Variants in GCNT1 observed in about 807,000 individuals in gnomAD.
GCNT1 encodes the protein glucosaminyl (N-acetyl) transferase 1, also known as beta-1,3-galactosyl-O-glycosyl-glycoprotein beta-1,6-N-acetylglucosaminyltransferase.
GCNT1 carries 16 observed loss-of-function variants against 26.2 expected under a neutral mutation model. The observed-to-expected ratio is 0.61, with a 90% CI of 0.41 to 0.93. GCNT1 has a LOEUF of 0.93. Ranked by LOEUF, GCNT1 falls within the 40% of genes least tolerant of loss-of-function variation. The pLI, the probability that GCNT1 is intolerant of heterozygous loss-of-function variation, is 0.00. For missense variants in GCNT1, 477 were observed against 526.7 expected (o/e 0.91, Z 0.92); for synonymous variants, 183 against 190.8 (o/e 0.96, Z 0.34).
At chr9:76,444,495 G>C (rs1307307250) in intron 1 of GCNT1, among the ~76,000 whole-genome samples, 9 of 152,122 alleles carry the variant, frequency 5.9e-5, no homozygotes, top group Non-Finnish European at 1.3e-4. Context: ...GAGGAAAAAG[G>C]GTTTCAAGGT....
intron 2 of GCNT1, among the ~76,000 whole-genome samples, chr9:76,486,545 C>T (rs1824581063): frequency 6.6e-6 from 1 of 152,150 alleles, no homozygotes; most frequent in Non-Finnish European, 1.5e-5. Context: ...TTCCCCATAG[C>T]CTGCTTTAGG....
upstream of GCNT1, among the ~76,000 whole-genome samples, chr9:76,456,165 A>G (rs1189568318): frequency 6.6e-6 from 1 of 152,116 alleles, no homozygotes; most frequent in East Asian, 1.9e-4. Flanking sequence ...CATTTCCTAT[A>G]AGGTTTTGCT....
chr9:76,432,023 C>T (rs1028701877), intron 1 of GCNT1, among the ~76,000 whole-genome samples: 1 of 152,088 alleles, frequency 6.6e-6, no homozygotes, highest in Non-Finnish European at 1.5e-5. Flanking sequence ...GCAGAAGAAT[C>T]GCTTAAACCC....
the GCNT1 span, among the ~76,000 whole-genome samples, chr9:76,402,828 C>T: frequency 1.1e-4 from 16 of 152,032 alleles, no homozygotes; most frequent in South Asian, 2.1e-4. Context: ...TACAGGCACG[C>T]GCCACCACGC....
upstream of GCNT1, among the ~76,000 whole-genome samples, chr9:76,438,217 C>T (rs547670410): frequency 4.6e-5 from 7 of 152,266 alleles, no homozygotes; most frequent in East Asian, 1.3e-3. Context: ...ATGCATCAAT[C>T]AATACATGTA....
Position 76,505,418 on chromosome 9 carries a change from T to C in GCNT1, c.*1750T>C, listed in dbSNP as rs1825212686. On this transcript the variant is annotated 3_prime_UTR_variant, in exon 4 of 4. Transcript: ENST00000376730. Reference sequence around the variant, plus strand: ...AACTCGAGATGATGAGGGTGGTACATGCAGTGTGTTCTCTCTTTATTGGCT... The same window carrying C: ...AACTCGAGATGATGAGGGTGGTACACGCAGTGTGTTCTCTCTTTATTGGCT... 6.0e-6 allele frequency: 1 copy of C among 167,320 alleles called. No individual in the cohort carries two copies. Among genetic ancestry groups the C allele is most frequent in the Admixed American group, 6.5e-5 (1 of 15,286 alleles). 10.4% of individuals were successfully genotyped at this position (167,320 alleles called of 1,614,324 possible). A position where few individuals can be genotyped will look rare whatever the true frequency, so the allele number is the denominator to read the frequency against.
chr9:76,497,884 T>C lies in GCNT1; in HGVS notation c.-289-3032T>C, dbSNP rs573966130. ...TTGAATATTCACATACCATAATGTT[T>C]ACCCTTTTAAAGTAAACAATATGTT... On this transcript the variant is annotated intron_variant, in intron 2 of 3. Coordinates refer to ENST00000376730, the MANE Select transcript of GCNT1 (RefSeq NM_001490.5). Among the ~76,000 whole-genome samples, 30 of 150,774 alleles carry C rather than the reference T, an allele frequency of 2.0e-4. 1 individual carries two copies. In the South Asian group the frequency reaches 6.2e-3, roughly 31 times the overall value.
At chr9:76,436,019 G>T (rs542962321) in intron 1 of GCNT1, among the ~76,000 whole-genome samples, 170 of 140,080 alleles carry the variant, frequency 1.2e-3, no homozygotes, top group Non-Finnish European at 2.1e-3. Flanking sequence ...GCAGTGGCAC[G>T]ATCTCGGCTC....
upstream of GCNT1, chr9:76,419,777 A>C (rs975477172): frequency 7.2e-5 from 11 of 152,214 alleles, no homozygotes; most frequent in African/African-American, 2.7e-4. Flanking sequence ...CCTGACATAA[A>C]ATGTACTGTC....
upstream of GCNT1, among the ~76,000 whole-genome samples, chr9:76,455,938 T>C (rs1365084864): frequency 6.6e-6 from 1 of 152,170 alleles, no homozygotes; most frequent in African/African-American, 2.4e-5. Flanking sequence ...GTAACTATAG[T>C]TTTATTATGA....
chr9:76,407,268 C>T, the GCNT1 span, among the ~76,000 whole-genome samples: 50,944 of 151,538 alleles, frequency 0.34, 9,094 homozygotes, highest in Middle Eastern at 0.4. Context: ...TTATTTTTCT[C>T]ATTTTGAACT....
the GCNT1 span, among the ~76,000 whole-genome samples, chr9:76,413,271 A>G: frequency 1.3e-5 from 2 of 152,166 alleles, no homozygotes; most frequent in African/African-American, 4.8e-5. Flanking sequence ...AGCCATAAGG[A>G]TATCTGTCAC....
At chr9:76,418,211 C>G (rs976193468), upstream of GCNT1, among the ~76,000 whole-genome samples, 6 of 152,128 alleles carry the variant, frequency 3.9e-5, no homozygotes, top group African/African-American at 1.4e-4. Flanking sequence ...GTTGAAAGAA[C>G]TACTATCAAT....
In GCNT1 at chr9:76,500,140, A is replaced by AC. The variant is rs534411589; in HGVS notation, c.-289-776_-289-775insC. ...TTTGTGTTTCTTTGCATGCCTTGTA[A>AC]TTTTTTTTTTGTTGAAACTGGATAG... is the stretch of plus-strand genomic sequence containing the variant. On this transcript the variant is annotated intron_variant, in intron 2 of 3. Transcript: ENST00000376730. 6.3e-4 allele frequency among the ~76,000 whole-genome samples: 95 copies of AC among 149,832 alleles called. 2 individuals carry two copies. Among genetic ancestry groups the AC allele is most frequent in the Middle Eastern group, 6.9e-3 (2 of 290 alleles).
chr9:76,485,013 T>C (rs1485753510), intron 2 of GCNT1, among the ~76,000 whole-genome samples: 5 of 152,128 alleles, frequency 3.3e-5, no homozygotes, highest in Admixed American at 1.3e-4. Context: ...TGTCTCAAAC[T>C]CCAGACCTCA....
chr9:76,480,987 CCAG>C (rs1824407617), intron 2 of GCNT1, among the ~76,000 whole-genome samples: 1 of 151,774 alleles, frequency 6.6e-6, no homozygotes, highest in Non-Finnish European at 1.5e-5. Flanking sequence ...GCCTGTAATC[CCAG>C]CACTTTGGGA....
chr9:76,499,102 G>A (rs1027721519), intron 2 of GCNT1, among the ~76,000 whole-genome samples: 3 of 151,178 alleles, frequency 2.0e-5, no homozygotes, highest in Non-Finnish European at 4.4e-5. Flanking sequence ...GTTTTTGAAT[G>A]ATTTTGCTCA....
chr9:76,443,348 T>C (rs912656951), intron 1 of GCNT1, among the ~76,000 whole-genome samples: 10 of 152,202 alleles, frequency 6.6e-5, no homozygotes, highest in Non-Finnish European at 1.0e-4. Context: ...CACGTATTTA[T>C]TAACAGCAAG....
intron 2 of GCNT1, among the ~76,000 whole-genome samples, chr9:76,480,886 T>C (rs1824403632): frequency 6.6e-6 from 1 of 152,040 alleles, no homozygotes; most frequent in South Asian, 2.1e-4. Context: ...TCAAATTTCA[T>C]TATGTATTTT....
Sources: gnomAD v4.1 joint callset for allele counts (sites outside exome capture counted in the v4.1 genomes callset) on GRCh38, gnomAD v4.1.1 for gene constraint, MANE v1.5 for transcripts, NCBI Gene and HGNC (gene_info 2026-07-23, HGNC 2026-07-21) for gene names.